PRPF39: variants seen among roughly 807,000 people sequenced by gnomAD.
PRPF39 encodes the protein pre-mRNA processing factor 39.
A neutral mutation model predicts 82.1 loss-of-function variants in PRPF39; 27 were observed. The ratio of observed to expected loss-of-function variants is 0.33; its 90% confidence interval spans 0.24 to 0.45. The LOEUF is 0.45. PRPF39 is among the 20% of genes least tolerant of loss of function. The probability of loss-of-function intolerance (pLI) is 1.00; values close to 1 mark genes in which losing one functional copy is unlikely to be tolerated. For missense variants in PRPF39, 581 were observed against 796.9 expected, an observed-to-expected ratio of 0.73 and a Z score of 3.26; for synonymous variants, 261 against 256.4, an observed-to-expected ratio of 1.02 and a Z score of -0.17.
At chr14:45,101,460 C>CT (rs113037998) in intron 4 of PRPF39, among the ~76,000 whole-genome samples, 111 of 148,462 alleles carry the variant, frequency 7.5e-4, no homozygotes, top group African/African-American at 1.3e-3. Flanking sequence ...TTGTAACAAA[C>CT]TTTTTTTTTT....
chr14:45,106,173 A>AC (rs1012314369), intron 5 of PRPF39, among the ~76,000 whole-genome samples: 8 of 151,650 alleles, frequency 5.3e-5, no homozygotes, highest in African/African-American at 1.9e-4. Flanking sequence ...ACAAGGTGAA[A>AC]CCCCGTCTCT....
rs930425429 is a variant in PRPF39 at position 45,107,703 on chromosome 14, C to T, written c.903+87C>T. On this transcript the variant is annotated intron_variant, in intron 6 of 13. Coordinates refer to ENST00000355765, the MANE Select transcript of PRPF39 (RefSeq NM_017922.4). ...CAGCACTTTGGGAGGCCAAGGTAGGCGGGTCACCTGAGGTCCGGAGTTTGA... is the reference window on the plus strand; with the variant it reads ...CAGCACTTTGGGAGGCCAAGGTAGGTGGGTCACCTGAGGTCCGGAGTTTGA... 24 of 1,350,122 alleles carry T rather than the reference C, an allele frequency of 1.8e-5. No individual in the cohort carries two copies. The South Asian group carries it at 1.9e-4, about 10-fold the overall frequency. 83.6% of individuals were successfully genotyped at this position (1,350,122 alleles called of 1,614,324 possible). A position where few individuals can be genotyped will look rare whatever the true frequency, so the allele number is the denominator to read the frequency against.
chr14:45,110,262 G>A lies in PRPF39; in HGVS notation c.1303+42G>A, dbSNP rs778752980. ...TCAGTTGACATTTTTGAGATTTTAAGTTATTTCAGGAAACAGTGACAAATT... is the reference window on the plus strand; with the variant it reads ...TCAGTTGACATTTTTGAGATTTTAAATTATTTCAGGAAACAGTGACAAATT... On this transcript the variant is annotated intron_variant, in intron 9 of 13. Transcript: ENST00000355765. The surrounding 1 kb of genome is among the most constrained non-coding windows in gnomAD (Gnocchi z 4.0). The A allele has an allele frequency of 6.2e-7, 1 of 1,606,930 alleles. No homozygotes were observed. The highest frequency in any genetic ancestry group is 8.5e-7 in the Non-Finnish European group (1 of 1,174,868).
At chr14:45,089,462 C>G (rs1883949964) in intron 1 of PRPF39, among the ~76,000 whole-genome samples, 1 of 152,094 alleles carries the variant, frequency 6.6e-6, no homozygotes, top group Admixed American at 6.6e-5. Flanking sequence ...ATGTCAGTAT[C>G]ACACTTGATT....
intron 5 of PRPF39, among the ~76,000 whole-genome samples, chr14:45,103,469 T>C (rs1363191822): frequency 6.6e-6 from 1 of 152,148 alleles, no homozygotes; most frequent in Non-Finnish European, 1.5e-5. Flanking sequence ...ATAATTTTTA[T>C]GAGTAGTATT....
chr14:45,095,074 A>G, intron 1 of PRPF39, 147 bp from the exon 2 acceptor site: 2 of 471,848 alleles, frequency 4.2e-6, no homozygotes, highest in Middle Eastern at 5.6e-4. Context: ...AAAACTAATG[A>G]ACCTTCTGAT....
intron 10 of PRPF39, among the ~76,000 whole-genome samples, chr14:45,112,035 CATACTAA>C (rs1363968846): frequency 2.6e-5 from 4 of 151,970 alleles, no homozygotes; most frequent in African/African-American, 9.7e-5. Context: ...TAGGTCATGT[CATACTAA>C]ATACAAGATA....
rs751251206 is a variant in PRPF39, at chr14:45,116,272, A to T, written c.*1359A>T. On this transcript the variant is annotated 3_prime_UTR_variant, in exon 14 of 14. Coordinates refer to ENST00000355765, the MANE Select transcript of PRPF39 (RefSeq NM_017922.4). ...GGAATTCTGTTGAAGAAGTCAAGGTACATTTGATAAAAAGTGCCTCTCCCC... is the reference window on the plus strand; with the variant it reads ...GGAATTCTGTTGAAGAAGTCAAGGTTCATTTGATAAAAAGTGCCTCTCCCC... The T allele has an allele frequency of 1.2e-6, 2 of 1,606,404 alleles. No individual in the cohort carries two copies. Among genetic ancestry groups the T allele is most frequent in the African/African-American group, 2.7e-5 (2 of 74,732 alleles).
In PRPF39 at chr14:45,109,685, G is replaced by A. The variant is rs1446373775; in HGVS notation, c.1081G>A (p.Glu361Lys). 4 of 1,608,552 alleles carry A rather than the reference G, an allele frequency of 2.5e-6. No homozygotes were observed. Among genetic ancestry groups the A allele is most frequent in the Non-Finnish European group, 3.4e-6 (4 of 1,177,000 alleles). The change falls in exon 8 of 14, where the codon GAA becomes AAA. Residue 361 changes from glutamate to lysine, a missense_variant. Glu to Lys is a moderately conservative substitution (Grantham distance 56, BLOSUM62 1). Transcript: ENST00000355765. Reference sequence around the variant, plus strand: ...ACTAAAAAACTGGAAAGAATACTTAGAATTTGAAATTGAAAATGGGACTCA... The same window carrying A: ...ACTAAAAAACTGGAAAGAATACTTAAAATTTGAAATTGAAAATGGGACTCA... Reference protein sequence around the residue: ...AQLKNWKEYLEFEIENGTHER... With the variant: ...AQLKNWKEYLKFEIENGTHER...
intron 3 of PRPF39, chr14:45,096,666 G>C: frequency 1.3e-6 from 2 of 1,506,016 alleles, no homozygotes; most frequent in Non-Finnish European, 1.8e-6. Flanking sequence ...ACACAACCCG[G>C]TCAGAATGCA....
At chr14:45,106,734 T>C (rs1185987105) in intron 5 of PRPF39, among the ~76,000 whole-genome samples, 6 of 152,158 alleles carry the variant, frequency 3.9e-5, no homozygotes, top group African/African-American at 7.2e-5. Context: ...GCCAGAAGTA[T>C]GTATTAATAA....
Position 45,114,483 on chromosome 14 carries a change from G to A in PRPF39, c.1833-11G>A, listed in dbSNP as rs1269846743. 1.5e-5 allele frequency: 23 copies of A among 1,561,024 alleles called. No homozygotes were observed. Among genetic ancestry groups the A allele is most frequent in the East Asian group, 9.0e-5 (4 of 44,308 alleles). The stretch of plus-strand genomic sequence containing the variant: ...GAGTTTTGAAAGTTTCCATTCTGAC[G>A]TTTTATATAGATCAGAAGAACCAGA... On this transcript the variant is annotated splice_polypyrimidine_tract_variant and intron_variant, in intron 12 of 13. Transcript: ENST00000355765.
chr14:45,104,407 G>T (rs1047461861), intron 5 of PRPF39, among the ~76,000 whole-genome samples: 1 of 151,820 alleles, frequency 6.6e-6, no homozygotes, highest in Non-Finnish European at 1.5e-5. Flanking sequence ...ATGACTAACT[G>T]CTTTGAGAAC....
At chr14:45,096,586 T>A in intron 3 of PRPF39, 1 of 1,446,310 alleles carries the variant, frequency 6.9e-7, no homozygotes, top group Middle Eastern at 1.8e-4. Flanking sequence ...CTTATTGCAT[T>A]TTTGGTCAGA....
At chr14:45,099,173 T>C (rs185087887) in intron 4 of PRPF39, among the ~76,000 whole-genome samples, 2 of 152,252 alleles carry the variant, frequency 1.3e-5, no homozygotes, top group East Asian at 3.9e-4. Flanking sequence ...CTTTTTCTTA[T>C]TGTGATTATT....
Position 45,110,999 on chromosome 14 carries a change from TAA to T in PRPF39, c.1572+185_1572+186del, listed in dbSNP as rs1884680025. The T allele has an allele frequency of 1.7e-6, 1 of 604,474 alleles. No individual in the cohort carries two copies. The allele number at this position is 604,474 out of a possible 1,614,324, so 37.4% of individuals were successfully genotyped here. On this transcript the variant is annotated intron_variant, in intron 10 of 13. Coordinates refer to ENST00000355765, the MANE Select transcript of PRPF39 (RefSeq NM_017922.4). The surrounding 1 kb of genome is among the most constrained non-coding windows in gnomAD (Gnocchi z 4.0). ...AAATTTTTTTCAAATTGTTTTGAAT[TAA>T]AAGTTTTAGACATTAAGATTATTGG...
chr14:45,090,814 C>T (rs1883997920), intron 1 of PRPF39, among the ~76,000 whole-genome samples: 1 of 152,068 alleles, frequency 6.6e-6, no homozygotes, highest in Non-Finnish European at 1.5e-5. Flanking sequence ...TTATCTTACA[C>T]TTATATGTCA....
chr14:45,107,101 T>G (rs574518827), intron 5 of PRPF39, among the ~76,000 whole-genome samples: 27 of 152,312 alleles, frequency 1.8e-4, no homozygotes, highest in African/African-American at 6.0e-4. Context: ...GAATAGGTAT[T>G]ATCATCTTAT....
At chr14:45,095,949 G>A in intron 2 of PRPF39, among the ~76,000 whole-genome samples, 154 bp from the exon 3 acceptor site, 1 of 143,396 alleles carries the variant, frequency 7.0e-6, no homozygotes, top group East Asian at 2.1e-4. Context: ...AGGAATAAAA[G>A]AAGGGCTGCT....
Sources: allele counts gnomAD v4.1 joint callset (sites outside exome capture counted in the v4.1 genomes callset), GRCh38; gene constraint gnomAD v4.1.1; non-coding constraint Gnocchi (gnomAD v3.1); transcripts MANE v1.5; gene names NCBI Gene and HGNC (gene_info 2026-07-23, HGNC 2026-07-21).